The following GRIA1 variants were observed in gnomAD, a reference collection of about 807,000 sequenced individuals.
The protein encoded by GRIA1 is glutamate receptor 1.
A neutral mutation model predicts 99.2 loss-of-function variants in GRIA1; 31 were observed. The ratio of observed to expected loss-of-function variants is 0.31; its 90% confidence interval spans 0.23 to 0.42. The LOEUF is 0.42. Ranked by LOEUF, GRIA1 falls within the 10% of genes least tolerant of loss-of-function variation. The pLI is 1.00. For synonymous variants in GRIA1, 438 were observed against 432.4 expected (o/e 1.01, Z -0.16); for missense variants, 782 against 1,157.5 (o/e 0.68, Z 4.71).
At chr5:153,651,438 TAGC>T (rs35189441) in intron 4 of GRIA1, among the ~76,000 whole-genome samples, 61,448 of 151,854 alleles carry the variant, frequency 0.4, 13,082 homozygotes, top group Non-Finnish European at 0.45. Context: ...ACCACAGAAT[TAGC>T]AGGATTTTTT....
At chr5:153,708,419 G>A (rs1295957806) in intron 11 of GRIA1, among the ~76,000 whole-genome samples, 1 of 152,106 alleles carries the variant, frequency 6.6e-6, no homozygotes, top group East Asian at 1.9e-4. Flanking sequence ...TATCATAGGA[G>A]TTGACATTGA....
intron 11 of GRIA1, among the ~76,000 whole-genome samples, chr5:153,755,043 T>A (rs972846273): frequency 1.3e-4 from 20 of 151,998 alleles, no homozygotes; most frequent in Non-Finnish European, 2.1e-4. Context: ...GAGAAGCATG[T>A]GATAAGGATG....
At chr5:153,635,333 G>C (rs1753271805) in intron 2 of GRIA1, among the ~76,000 whole-genome samples, 1 of 152,192 alleles carries the variant, frequency 6.6e-6, no homozygotes, top group Non-Finnish European at 1.5e-5. Context: ...TGTGACTATG[G>C]GGATTGCGGA....
intron 13 of GRIA1, among the ~76,000 whole-genome samples, chr5:153,773,734 T>C (rs1481556208): frequency 6.6e-6 from 1 of 152,084 alleles, no homozygotes; most frequent in Non-Finnish European, 1.5e-5. Context: ...CAAATACAGA[T>C]CACTGACGAC....
chr5:153,722,828 C>G (rs1760178030), intron 11 of GRIA1, among the ~76,000 whole-genome samples: 1 of 152,176 alleles, frequency 6.6e-6, no homozygotes, highest in Admixed American at 6.5e-5. Flanking sequence ...GCAGTGTTTT[C>G]TAACTGTGAG....
chr5:153,738,949 C>T (rs901802700), intron 11 of GRIA1, among the ~76,000 whole-genome samples: 4 of 151,644 alleles, frequency 2.6e-5, no homozygotes, highest in African/African-American at 9.7e-5. Flanking sequence ...CTCGAACTCC[C>T]GACCTCAGGT....
intron 5 of GRIA1, among the ~76,000 whole-genome samples, chr5:153,666,570 A>T (rs1196426540): frequency 6.6e-6 from 1 of 152,148 alleles, no homozygotes; most frequent in Non-Finnish European, 1.5e-5. Context: ...AGTGGTTAGA[A>T]AACAAGTCCT....
chr5:153,569,495 C>A lies in GRIA1; in HGVS notation c.220+75430C>A, dbSNP rs553184426. On this transcript the variant is annotated intron_variant, in intron 2 of 15. Coordinates refer to ENST00000285900, the MANE Select transcript of GRIA1 (RefSeq NM_000827.4). Reference sequence around the variant, plus strand: ...TTCCGGGTGTCAGAACAATAGGTATCCCTCCCTGCTGCTGAGCAGCTGTAT... The same window carrying A: ...TTCCGGGTGTCAGAACAATAGGTATACCTCCCTGCTGCTGAGCAGCTGTAT... Among the ~76,000 whole-genome samples the A allele has an allele frequency of 4.6e-5, 7 of 152,340 alleles. No homozygotes were observed. The South Asian group carries it at 1.4e-3, about 32-fold the overall frequency.
At chr5:153,559,456 C>A (rs1469570605) in intron 2 of GRIA1, among the ~76,000 whole-genome samples, 2 of 152,170 alleles carry the variant, frequency 1.3e-5, no homozygotes, top group African/African-American at 4.8e-5. Flanking sequence ...TTGCTTAAAA[C>A]CTTGACTAGC....
chr5:153,732,189 C>T (rs976017453), intron 11 of GRIA1, among the ~76,000 whole-genome samples: 3 of 152,078 alleles, frequency 2.0e-5, no homozygotes, highest in African/African-American at 7.2e-5. Flanking sequence ...ATGAACATGA[C>T]AGTGCATATA....
intron 14 of GRIA1, among the ~76,000 whole-genome samples, chr5:153,799,992 T>C (rs1765901219): frequency 6.6e-6 from 1 of 152,152 alleles, no homozygotes; most frequent in Non-Finnish European, 1.5e-5. Flanking sequence ...CTTTTGAAGA[T>C]AATAACAGAA....
chr5:153,696,685 G>A (rs960765342), intron 8 of GRIA1, among the ~76,000 whole-genome samples: 5 of 152,214 alleles, frequency 3.3e-5, no homozygotes, highest in East Asian at 1.9e-4. Flanking sequence ...CTGAGTTCTG[G>A]CTGTTGATAG....
At chr5:153,582,573 C>T (rs1312370197) in intron 2 of GRIA1, among the ~76,000 whole-genome samples, 1 of 152,158 alleles carries the variant, frequency 6.6e-6, no homozygotes. Context: ...CGTTCTGCCC[C>T]TGAATACGGG....
intron 4 of GRIA1, 101 bp downstream of exon 4, chr5:153,650,615 G>A (rs1366542630): frequency 9.0e-7 from 1 of 1,113,278 alleles, no homozygotes; most frequent in Non-Finnish European, 1.3e-6. Flanking sequence ...TATAAAGAGG[G>A]TTCTTGACTA....
At chr5:153,536,555 T>G (rs10041179) in intron 2 of GRIA1, among the ~76,000 whole-genome samples, 14,236 of 152,220 alleles carry the variant, frequency 0.094, 801 homozygotes, top group African/African-American at 0.16. Context: ...CTAAGTGCAG[T>G]ACATTTCACA....
intron 14 of GRIA1, among the ~76,000 whole-genome samples, chr5:153,798,062 C>G (rs1344355876): frequency 1.3e-5 from 2 of 152,194 alleles, no homozygotes; most frequent in Non-Finnish European, 2.9e-5. Context: ...GTTCTGTGTT[C>G]AGTGCTTGAA....
intron 5 of GRIA1, among the ~76,000 whole-genome samples, chr5:153,672,352 T>C (rs1054464658): frequency 2.0e-5 from 3 of 152,116 alleles, no homozygotes; most frequent in African/African-American, 7.2e-5. Flanking sequence ...AGAATACCCA[T>C]GTAGAAAGGG....
rs973161914 is a variant in GRIA1 at position 153,764,521 on chromosome 5, C to T, written c.1911C>T (p.Phe637=). ...CATATACAGCCAATCTGGCCGCCTT[C>T]CTGACCGTGGAGAGGATGGTGTCTC... ...ISSYTANLAA[F]LTVERMVSPI... The change falls in exon 12 of 16, where the codon TTC becomes TTT. Residue 637 remains phenylalanine, a synonymous_variant. Transcript: ENST00000285900. 13 of 1,613,816 alleles carry T rather than the reference C, an allele frequency of 8.1e-6. No homozygotes were observed. The highest frequency in any genetic ancestry group is 8.0e-5 in the African/African-American group (6 of 74,930).
Position 153,586,597 on chromosome 5 carries a change from C to A in GRIA1, c.221-60331C>A, listed in dbSNP as rs532021671. On this transcript the variant is annotated intron_variant, in intron 2 of 15. Transcript: ENST00000285900. ...ACTTGAACAAAAGGGGAATAATGCA[C>A]CCATGACAATGACAAATATGTACGT... Among the ~76,000 whole-genome samples the A allele has an allele frequency of 2.0e-5, 3 of 152,240 alleles. No individual in the cohort carries two copies. The South Asian group carries it at 6.2e-4, about 32-fold the overall frequency.
Sources: gnomAD v4.1 joint callset for allele counts (sites outside exome capture counted in the v4.1 genomes callset) on GRCh38, gnomAD v4.1.1 for gene constraint, MANE v1.5 for transcripts, NCBI Gene and HGNC (gene_info 2026-07-23, HGNC 2026-07-21) for gene names.